DOCK10: variants seen among roughly 807,000 people sequenced by gnomAD.
The protein encoded by DOCK10 is dedicator of cytokinesis 10.
Under a neutral mutation model 280.1 loss-of-function variants are expected in DOCK10, and 145 were observed. The ratio of observed to expected loss-of-function variants is 0.52; its 90% confidence interval spans 0.45 to 0.59. The LOEUF (loss-of-function observed/expected upper bound fraction) is 0.59. Among genes scored for constraint, DOCK10 ranks in the 20% least tolerant of loss-of-function variants. The pLI is 0.00. For missense variants in DOCK10, 2,368 were observed against 2,651.7 expected, an observed-to-expected ratio of 0.89 and a Z score of 2.35; for synonymous variants, 915 against 942.2, an observed-to-expected ratio of 0.97 and a Z score of 0.53.
At chr2:224,801,782 G>T in intron 40 of DOCK10, 134 bp downstream of exon 40, 2 of 973,738 alleles carry the variant, frequency 2.1e-6, no homozygotes, top group Non-Finnish European at 3.1e-6. Context: ...ACTCCCTGGT[G>T]AGTCTTTCCC....
intron 1 of DOCK10, among the ~76,000 whole-genome samples, chr2:225,004,826 T>G (rs1706526462): frequency 6.6e-6 from 1 of 152,230 alleles, no homozygotes; most frequent in Non-Finnish European, 1.5e-5. Context: ...CCATTAGAGT[T>G]TGTCCATCAG....
chr2:224,823,800 A>G (rs1694666126), intron 27 of DOCK10, among the ~76,000 whole-genome samples, 153 bp from the exon 28 acceptor site: 1 of 152,242 alleles, frequency 6.6e-6, no homozygotes, highest in East Asian at 1.9e-4. Context: ...GAAGCCTTTT[A>G]CTTTCAAGGT....
At chr2:225,010,085 G>C (rs1689391909) in intron 1 of DOCK10, among the ~76,000 whole-genome samples, 1 of 152,152 alleles carries the variant, frequency 6.6e-6, no homozygotes, top group South Asian at 2.1e-4. Flanking sequence ...GTCAGCTGCA[G>C]GTCCACTAGG....
chr2:224,868,119 T>C (rs1698045809), intron 11 of DOCK10, among the ~76,000 whole-genome samples: 1 of 152,008 alleles, frequency 6.6e-6, no homozygotes, highest in Non-Finnish European at 1.5e-5. Context: ...AGTATCAACA[T>C]GCAAAGGATG....
chr2:224,992,004 C>A (rs1054145686), intron 1 of DOCK10, among the ~76,000 whole-genome samples: 3 of 152,050 alleles, frequency 2.0e-5, no homozygotes, highest in African/African-American at 4.8e-5. Flanking sequence ...TCAAGAAAAA[C>A]CAAATTATGT....
chr2:224,812,638 C>T (rs568667512), intron 31 of DOCK10, among the ~76,000 whole-genome samples: 12 of 152,228 alleles, frequency 7.9e-5, no homozygotes, highest in East Asian at 7.7e-4. Context: ...ATAGTTAGCT[C>T]TTATTATTTT....
Position 224,770,413 on chromosome 2 carries a change from T to C in DOCK10, c.6306-64A>G. The C allele has an allele frequency of 6.4e-7, 1 of 1,560,878 alleles. No individual in the cohort carries two copies. Among genetic ancestry groups the C allele is most frequent in the Non-Finnish European group, 8.7e-7 (1 of 1,150,940 alleles). ...CGGAAGTGGCATTGAGCTCAGTGAC[T>C]GTGAGTTCAGAGTCAGGCTGCTGAT... On this transcript the variant is annotated intron_variant, in intron 54 of 55. Coordinates refer to ENST00000258390, the MANE Select transcript of DOCK10 (RefSeq NM_014689.3). This position sits in a 1 kb window ranked among gnomAD's most constrained non-coding sequence, Gnocchi z 4.5.
chr2:224,829,777 A>C (rs1052569104), intron 27 of DOCK10, among the ~76,000 whole-genome samples: 2 of 152,160 alleles, frequency 1.3e-5, no homozygotes, highest in African/African-American at 2.4e-5. Flanking sequence ...AGAGGGATCT[A>C]GAATGGAGAG....
intron 1 of DOCK10, among the ~76,000 whole-genome samples, chr2:225,026,837 C>T (rs542211972): frequency 6.6e-6 from 1 of 152,256 alleles, no homozygotes; most frequent in Non-Finnish European, 1.5e-5. Context: ...CATTTTTCCT[C>T]AAATTGTTCC....
chr2:224,849,592 T>A lies in DOCK10; in HGVS notation c.2150A>T (p.Tyr717Phe). 1.2e-6 allele frequency: 2 copies of A among 1,602,356 alleles called. No individual in the cohort carries two copies. The highest frequency in any genetic ancestry group is 2.3e-5 in the South Asian group (2 of 88,870). ...EESAKPLKCI[Y>F]GKPGGPLFTS... The stretch of plus-strand genomic sequence containing the variant: ...GAAGAGGGGCCCTCCAGGTTTTCCA[T>A]AAATACACTGTTTGAAAAGTTATGA... The change falls in exon 19 of 56, where the codon TAT becomes TTT. Residue 717 changes from tyrosine to phenylalanine, a missense_variant. By Grantham distance (22) the Tyr-to-Phe change is conservative. Transcript: ENST00000258390.
chr2:224,862,853 G>A (rs116300651), intron 13 of DOCK10, 107 bp from the exon 14 acceptor site: 34 of 698,302 alleles, frequency 4.9e-5, no homozygotes, highest in African/African-American at 2.9e-4. Flanking sequence ...GAAACTCAGC[G>A]TAACTGTGTC....
At chr2:224,885,529 G>A in intron 7 of DOCK10, 142 bp downstream of exon 7, 1 of 768,028 alleles carries the variant, frequency 1.3e-6, no homozygotes, top group East Asian at 3.2e-5. Context: ...TGTGAAAGTA[G>A]AGATCCAGGC....
intron 4 of DOCK10, among the ~76,000 whole-genome samples, chr2:224,888,197 T>G (rs1452409465): frequency 6.6e-6 from 1 of 151,536 alleles, no homozygotes; most frequent in Non-Finnish European, 1.5e-5. Flanking sequence ...ATAAAGAGAA[T>G]GTTTAATATA....
intron 27 of DOCK10, among the ~76,000 whole-genome samples, chr2:224,824,481 G>C (rs1031573208): frequency 5.7e-5 from 7 of 123,184 alleles, no homozygotes; most frequent in African/African-American, 2.3e-4. Context: ...GTGTCACCCA[G>C]ATTGGAGTGC....
intron 7 of DOCK10, among the ~76,000 whole-genome samples, chr2:224,877,983 A>G (rs867640921): frequency 6.6e-6 from 1 of 152,214 alleles, no homozygotes; most frequent in African/African-American, 2.4e-5. Context: ...AGCAAACCCT[A>G]ACACTTAGGA....
Position 224,822,994 on chromosome 2 carries a change from G to A in DOCK10, c.3183+507C>T, listed in dbSNP as rs75339700. 1.0e-2 allele frequency among the ~76,000 whole-genome samples: 1,452 copies of A among 145,618 alleles called. 28 individuals are homozygous for A. The highest frequency in any genetic ancestry group is 0.035 in the African/African-American group (1,377 of 39,680). Reference sequence around the variant, plus strand: ...CTTAGTTTTTTTTTTCTTTCTTCCTGTCTTTTTTTTTTTTGAGACAGTCTC... The same window carrying A: ...CTTAGTTTTTTTTTTCTTTCTTCCTATCTTTTTTTTTTTTGAGACAGTCTC... On this transcript the variant is annotated intron_variant, in intron 28 of 55. Coordinates refer to ENST00000258390, the MANE Select transcript of DOCK10 (RefSeq NM_014689.3).
At chr2:224,866,791 G>C (rs1464625208) in intron 11 of DOCK10, among the ~76,000 whole-genome samples, 1 of 152,100 alleles carries the variant, frequency 6.6e-6, no homozygotes, top group Non-Finnish European at 1.5e-5. Context: ...GATAATTAGT[G>C]TTAGTGTGAT....
chr2:224,873,435 T>G lies in DOCK10; in HGVS notation c.1257+561A>C, dbSNP rs542135395. Among the ~76,000 whole-genome samples, 254 of 151,790 alleles carry G rather than the reference T, an allele frequency of 1.7e-3. 2 individuals are homozygous for G. The Middle Eastern group carries it at 0.027, about 16-fold the overall frequency. On this transcript the variant is annotated intron_variant, in intron 11 of 55. Coordinates refer to ENST00000258390, the MANE Select transcript of DOCK10 (RefSeq NM_014689.3). ...GTATAAGAAATACAAAAAAATTAGC[T>G]AGGCGGCCATGGTGGTGCGTGCCTG...
At chr2:224,826,340 A>G (rs940577515) in intron 27 of DOCK10, among the ~76,000 whole-genome samples, 6 of 152,132 alleles carry the variant, frequency 3.9e-5, no homozygotes, top group African/African-American at 1.4e-4. Context: ...CTGGGATTAC[A>G]GGCATGAGCA....
Sources: gnomAD v4.1 joint callset for allele counts (sites outside exome capture counted in the v4.1 genomes callset) on GRCh38, gnomAD v4.1.1 for gene constraint, Gnocchi (gnomAD v3.1) non-coding constraint, MANE v1.5 for transcripts, NCBI Gene and HGNC (gene_info 2026-07-23, HGNC 2026-07-21) for gene names.